Variants in HTR4 observed in about 807,000 individuals in gnomAD.
The protein encoded by HTR4 is 5-hydroxytryptamine (serotonin) receptor 4, G protein-coupled.
Under a neutral mutation model 36.8 loss-of-function variants are expected in HTR4, and 16 were observed. That is an observed-to-expected ratio of 0.43 (90% CI 0.29 to 0.66). The LOEUF (loss-of-function observed/expected upper bound fraction) is 0.66. HTR4 is among the 30% of genes least tolerant of loss of function. HTR4 has a pLI of 0.13. For synonymous variants in HTR4, 189 were observed against 185.1 expected (o/e 1.02, Z -0.17); for missense variants, 438 against 490.9 (o/e 0.89, Z 1.02).
chr5:148,476,821 C>T (rs1299310050), downstream of HTR4: 3 of 1,605,386 alleles, frequency 1.9e-6, no homozygotes, highest in Non-Finnish European at 2.5e-6. Flanking sequence ...AGGAGAAGAA[C>T]AAATAAAATG....
chr5:148,547,526 A>AAAAATAAAATAAAAT (rs373070134), intron 4 of HTR4, among the ~76,000 whole-genome samples: 310 of 125,124 alleles, frequency 2.5e-3, no homozygotes, highest in Admixed American at 5.9e-3. Context: ...CTCAAAAAAT[A>AAAAATAAAATAAAAT]AAAATAAAAT....
intron 3 of HTR4, among the ~76,000 whole-genome samples, chr5:148,549,134 C>G (rs557170034): frequency 6.6e-6 from 1 of 152,064 alleles, no homozygotes; most frequent in African/African-American, 2.4e-5. Context: ...CTCTTTTTTC[C>G]TCCCCCTTCT....
chr5:148,595,600 A>G (rs1761736257), intron 2 of HTR4, among the ~76,000 whole-genome samples: 1 of 152,138 alleles, frequency 6.6e-6, no homozygotes, highest in African/African-American at 2.4e-5. Flanking sequence ...AAGTCTTCAT[A>G]TATTTGTGTT....
chr5:148,465,907 G>A (rs760729275), intron 5 of HTR4: 1 of 1,613,554 alleles, frequency 6.2e-7, no homozygotes, highest in Non-Finnish European at 8.5e-7. Context: ...GGAGGAAGCT[G>A]GAGACAGGGG....
At chr5:148,477,649 G>A (rs984824557), downstream of HTR4, among the ~76,000 whole-genome samples, 3 of 152,170 alleles carry the variant, frequency 2.0e-5, no homozygotes, top group African/African-American at 7.2e-5. Flanking sequence ...GTTAAATGAG[G>A]TGTCTCATGT....
downstream of HTR4, among the ~76,000 whole-genome samples, chr5:148,479,103 T>C (rs117882661): frequency 3.3e-4 from 51 of 152,254 alleles, no homozygotes; most frequent in East Asian, 6.0e-3. Flanking sequence ...TGCCTCCTCG[T>C]GGTTTGTGCT....
Position 148,644,506 on chromosome 5 carries a change from T to C in HTR4, c.-47-7445A>G, listed in dbSNP as rs939471517. Reference sequence around the variant, plus strand: ...GGACCCCAAGAAGCAGATCTCATGATAAGGACTAAATGCACATTGTTAATT... The same window carrying C: ...GGACCCCAAGAAGCAGATCTCATGACAAGGACTAAATGCACATTGTTAATT... On this transcript the variant is annotated intron_variant, in intron 1 of 6. Transcript: ENST00000377888. Among the ~76,000 whole-genome samples, 11 of 134,324 alleles carry C rather than the reference T, an allele frequency of 8.2e-5. No homozygotes were observed. In the East Asian group the frequency reaches 1.7e-3, roughly 21 times the overall value. 88.1% of individuals were successfully genotyped at this position (134,324 alleles called of 152,430 possible).
chr5:148,648,991 G>T (rs1400936293), intron 1 of HTR4, among the ~76,000 whole-genome samples: 1 of 152,012 alleles, frequency 6.6e-6, no homozygotes, highest in Non-Finnish European at 1.5e-5. Context: ...GCCAGTGTTG[G>T]CTTTTATTAT....
chr5:148,634,390 A>G (rs1753450842), intron 2 of HTR4, among the ~76,000 whole-genome samples: 1 of 152,226 alleles, frequency 6.6e-6, no homozygotes, highest in Admixed American at 6.6e-5. Flanking sequence ...GTATTGAAAT[A>G]AAATATCATA....
chr5:148,475,088 T>C (rs191602656), downstream of HTR4, among the ~76,000 whole-genome samples: 52 of 152,040 alleles, frequency 3.4e-4, no homozygotes, highest in East Asian at 8.9e-3. Context: ...TACTTACCCA[T>C]AAAATGGGCA....
chr5:148,523,587 G>A (rs1758128638), intron 4 of HTR4, among the ~76,000 whole-genome samples: 1 of 151,792 alleles, frequency 6.6e-6, no homozygotes, highest in Admixed American at 6.6e-5. Context: ...AAGGAAGAGA[G>A]AGAAAAGAAC....
intron 5 of HTR4, among the ~76,000 whole-genome samples, chr5:148,455,594 T>C (rs1755082187): frequency 6.6e-6 from 1 of 152,120 alleles, no homozygotes; most frequent in Non-Finnish European, 1.5e-5. Flanking sequence ...TCTCTGTGGA[T>C]ATGAGAGTAA....
At chr5:148,593,267 C>T (rs564537135) in intron 2 of HTR4, among the ~76,000 whole-genome samples, 19 of 152,242 alleles carry the variant, frequency 1.2e-4, no homozygotes, top group Admixed American at 4.6e-4. Context: ...AGTTTTCTTC[C>T]GGCAGGAGAC....
intron 2 of HTR4, among the ~76,000 whole-genome samples, chr5:148,573,858 CT>C (rs1368877327): frequency 3.3e-5 from 5 of 151,536 alleles, no homozygotes; most frequent in African/African-American, 1.2e-4. Context: ...GAGGCTATTC[CT>C]TTATCTAGTA....
At chr5:148,582,812 T>G (rs1009110511) in intron 2 of HTR4, among the ~76,000 whole-genome samples, 54 of 152,190 alleles carry the variant, frequency 3.5e-4, no homozygotes, top group Non-Finnish European at 6.6e-4. Context: ...TGAAGTTGCT[T>G]ATCAGCTTAA....
At chr5:148,625,223 A>G (rs768218289) in intron 2 of HTR4, among the ~76,000 whole-genome samples, 1 of 152,186 alleles carries the variant, frequency 6.6e-6, no homozygotes, top group Non-Finnish European at 1.5e-5. Context: ...AATCATGCAG[A>G]AAAGAGGTGA....
At chr5:148,553,213 C>CAA (rs150397325) in intron 2 of HTR4, among the ~76,000 whole-genome samples, 11 of 149,818 alleles carry the variant, frequency 7.3e-5, no homozygotes, top group African/African-American at 2.7e-4. Flanking sequence ...CAGTCCATGG[C>CAA]AAAAAAAAAT....
chr5:148,612,908 G>A (rs1427565316), intron 2 of HTR4, among the ~76,000 whole-genome samples: 9 of 150,236 alleles, frequency 6.0e-5, no homozygotes, highest in East Asian at 2.0e-4. Context: ...ACACCTCTAC[G>A]CAAATAAACG....
At position 148,653,581 on chromosome 5, in the gene HTR4, G is replaced by A. The variant is rs1219385844; in HGVS notation, c.-48+481C>T. Among the ~76,000 whole-genome samples, 3 of 149,628 alleles carry A rather than the reference G, an allele frequency of 2.0e-5. 1 individual carries two copies. Among genetic ancestry groups the A allele is most frequent in the Admixed American group, 2.0e-4 (3 of 14,964 alleles). ...CACACACATCAAAGTGGACGCTCAA[G>A]ACACACTATCTTGTCTCTCTCTCTC... On this transcript the variant is annotated intron_variant, in intron 1 of 6. Coordinates refer to ENST00000377888, the MANE Select transcript of HTR4 (RefSeq NM_000870.7).
Sources: gnomAD v4.1 joint callset for allele counts (sites outside exome capture counted in the v4.1 genomes callset) on GRCh38, gnomAD v4.1.1 for gene constraint, MANE v1.5 for transcripts, NCBI Gene and HGNC (gene_info 2026-07-23, HGNC 2026-07-21) for gene names.